The following ADAMTS3 variants were observed in gnomAD, a reference collection of about 807,000 sequenced individuals.
ADAMTS3 encodes the protein ADAM metallopeptidase with thrombospondin type 1 motif 3, also known as A disintegrin and metalloproteinase with thrombospondin motifs 3.
ADAMTS3 carries 73 observed loss-of-function variants against 129.0 expected under a neutral mutation model. That is an observed-to-expected ratio of 0.57 (90% CI 0.47 to 0.69). The LOEUF is 0.69. Ranked by LOEUF, ADAMTS3 falls within the 30% of genes least tolerant of loss-of-function variation. The pLI is 0.00. For missense variants in ADAMTS3, 1,457 were observed against 1,514.5 expected (o/e 0.96, Z 0.63); for synonymous variants, 477 against 510.8 (o/e 0.93, Z 0.89).
chr4:72,310,805 C>T (rs1010171135), intron 14 of ADAMTS3, among the ~76,000 whole-genome samples: 1 of 152,068 alleles, frequency 6.6e-6, no homozygotes, highest in Admixed American at 6.6e-5. Flanking sequence ...CTCAGAGTTA[C>T]TCAGAAAAGG....
chr4:72,305,683 A>G (rs9995609), intron 16 of ADAMTS3, among the ~76,000 whole-genome samples: 2,977 of 152,152 alleles, frequency 0.02, 91 homozygotes, highest in African/African-American at 0.068. Context: ...CCTACATAAC[A>G]TTCAATTAAT....
intron 4 of ADAMTS3, among the ~76,000 whole-genome samples, chr4:72,405,190 G>T (rs1722020338): frequency 6.6e-6 from 1 of 152,010 alleles, no homozygotes; most frequent in South Asian, 2.1e-4. Flanking sequence ...TCACTTCAGG[G>T]CATATATCCA....
At chr4:72,531,996 G>A (rs1014005245) in intron 3 of ADAMTS3, among the ~76,000 whole-genome samples, 2 of 151,470 alleles carry the variant, frequency 1.3e-5, no homozygotes, top group East Asian at 3.9e-4. Context: ...CAGGTACTGA[G>A]TCAAACTGGC....
chr4:72,497,717 A>C (rs1013202229), intron 3 of ADAMTS3, among the ~76,000 whole-genome samples: 1 of 146,086 alleles, frequency 6.8e-6, no homozygotes, highest in East Asian at 2.0e-4. Context: ...AAAAATCTCA[A>C]CTTTTCTTGT....
intron 4 of ADAMTS3, among the ~76,000 whole-genome samples, chr4:72,358,334 T>C (rs1297059503): frequency 6.6e-6 from 1 of 152,050 alleles, no homozygotes; most frequent in Non-Finnish European, 1.5e-5. Flanking sequence ...TGCTACACTT[T>C]TGTGCATATA....
intron 3 of ADAMTS3, among the ~76,000 whole-genome samples, chr4:72,422,147 TATA>T (rs1277692337): frequency 6.6e-6 from 1 of 152,180 alleles, no homozygotes; most frequent in Non-Finnish European, 1.5e-5. Flanking sequence ...TACTATTATT[TATA>T]ATGACACCAG....
intron 4 of ADAMTS3, among the ~76,000 whole-genome samples, chr4:72,352,770 T>A (rs1228505698): frequency 6.6e-6 from 1 of 151,890 alleles, no homozygotes. Flanking sequence ...CATGGAGAAA[T>A]AGGGTGGGCC....
chr4:72,288,382 T>C (rs1303723350), intron 21 of ADAMTS3, among the ~76,000 whole-genome samples: 2 of 152,168 alleles, frequency 1.3e-5, no homozygotes, highest in African/African-American at 4.8e-5. Flanking sequence ...AGTAAAATAT[T>C]TCAAAATCTT....
intron 4 of ADAMTS3, among the ~76,000 whole-genome samples, chr4:72,368,986 A>C (rs1720937442): frequency 6.6e-6 from 1 of 152,182 alleles, no homozygotes; most frequent in African/African-American, 2.4e-5. Context: ...GACTCTAATA[A>C]CTAGCACTGC....
Position 72,283,072 on chromosome 4 carries a change from C to G in ADAMTS3, c.*64G>C. ...GATTTCCACTTTAAACAAGCATATG[C>G]ACCATGGGAAGAGAGAGGTTGTCCA... is the stretch of plus-strand genomic sequence containing the variant. On this transcript the variant is annotated 3_prime_UTR_variant, in exon 22 of 22. Coordinates refer to ENST00000286657, the MANE Select transcript of ADAMTS3 (RefSeq NM_014243.3). 1 of 1,359,028 alleles carries G rather than the reference C, an allele frequency of 7.4e-7. No homozygotes were observed. The highest frequency in any genetic ancestry group is 1.4e-5 in the South Asian group (1 of 72,864). The allele number at this position is 1,359,028 out of a possible 1,614,324, so 84.2% of individuals were successfully genotyped here. A position where few individuals can be genotyped will look rare whatever the true frequency, so the allele number is the denominator to read the frequency against.
chr4:72,381,762 C>T (rs1721294294), intron 4 of ADAMTS3, among the ~76,000 whole-genome samples: 1 of 151,142 alleles, frequency 6.6e-6, no homozygotes, highest in Non-Finnish European at 1.5e-5. Flanking sequence ...CACTATATAC[C>T]ATTTTGCAGG....
At chr4:72,507,612 A>T (rs1197218288) in intron 3 of ADAMTS3, among the ~76,000 whole-genome samples, 1 of 152,196 alleles carries the variant, frequency 6.6e-6, no homozygotes, top group Admixed American at 6.5e-5. Flanking sequence ...CCAGCAACCA[A>T]AAAACTCCAA....
At chr4:72,347,436 C>T (rs1441846893) in intron 4 of ADAMTS3, among the ~76,000 whole-genome samples, 1 of 151,910 alleles carries the variant, frequency 6.6e-6, no homozygotes, top group East Asian at 1.9e-4. Flanking sequence ...CTTCTGTAGT[C>T]AACTATTCTT....
At chr4:72,408,192 T>A (rs1483905575) in intron 4 of ADAMTS3, among the ~76,000 whole-genome samples, 3 of 152,188 alleles carry the variant, frequency 2.0e-5, no homozygotes, top group African/African-American at 7.2e-5. Context: ...ATAAAAATAT[T>A]ATTTCAGAGC....
chr4:72,549,949 GT>G (rs1560563629), intron 2 of ADAMTS3, among the ~76,000 whole-genome samples: 8 of 39,384 alleles, frequency 2.0e-4, no homozygotes, highest in African/African-American at 6.3e-4. Context: ...GGCAACAAGG[GT>G]AAAAAAAAAA....
chr4:72,319,807 C>T (rs1719504974), intron 8 of ADAMTS3, 51 bp downstream of exon 8: 1 of 1,403,380 alleles, frequency 7.1e-7, no homozygotes, highest in African/African-American at 1.4e-5. Context: ...CTGGGAGAAG[C>T]AGGAAAGAAA....
intron 3 of ADAMTS3, among the ~76,000 whole-genome samples, chr4:72,507,962 T>C (rs1356151274): frequency 6.6e-6 from 1 of 152,230 alleles, no homozygotes; most frequent in Non-Finnish European, 1.5e-5. Context: ...CACATATGCC[T>C]CTATTAACAT....
intron 3 of ADAMTS3, among the ~76,000 whole-genome samples, chr4:72,473,063 AC>A (rs1299515985): frequency 6.6e-6 from 1 of 152,236 alleles, no homozygotes; most frequent in Admixed American, 6.5e-5. Flanking sequence ...AACAAAACAA[AC>A]GATAATTTAA....
chr4:72,565,221 A>C (rs1413367556), intron 2 of ADAMTS3, among the ~76,000 whole-genome samples: 1 of 152,238 alleles, frequency 6.6e-6, no homozygotes, highest in Admixed American at 6.5e-5. Context: ...GAAATTATTC[A>C]GGGCCATGAA....
Sources: allele counts gnomAD v4.1 joint callset (sites outside exome capture counted in the v4.1 genomes callset), GRCh38; gene constraint gnomAD v4.1.1; transcripts MANE v1.5; gene names NCBI Gene and HGNC (gene_info 2026-07-23, HGNC 2026-07-21).